TMPRSS4: variants seen among roughly 807,000 people sequenced by gnomAD.
TMPRSS4 encodes transmembrane serine protease 4.
Under a neutral mutation model 56.4 loss-of-function variants are expected in TMPRSS4, and 45 were observed. The observed-to-expected ratio is 0.80, with a 90% CI of 0.63 to 1.02. The LOEUF is 1.02. Ranked by LOEUF, TMPRSS4 falls within the 50% of genes least tolerant of loss-of-function variation. The pLI, the probability that TMPRSS4 is intolerant of heterozygous loss-of-function variation, is 0.00. For synonymous variants in TMPRSS4, 205 were observed against 211.0 expected (o/e 0.97, Z 0.25); for missense variants, 546 against 556.7 (o/e 0.98, Z 0.19).
At chr11:118,104,658 C>T (rs933722390) in intron 4 of TMPRSS4, 33 bp from the exon 5 acceptor site, 28 of 1,613,728 alleles carry the variant, frequency 1.7e-5, no homozygotes, top group African/African-American at 5.3e-5. Flanking sequence ...TTGGGCCCCC[C>T]GTTCCATCTA....
intron 12 of TMPRSS4, 135 bp downstream of exon 12, chr11:118,117,589 G>A: frequency 6.7e-7 from 1 of 1,485,034 alleles, no homozygotes; most frequent in Non-Finnish European, 9.0e-7. Flanking sequence ...CCAAGCAAGG[G>A]ACAGCCTGAG....
intron 8 of TMPRSS4, among the ~76,000 whole-genome samples, chr11:118,112,673 A>G (rs909133356): frequency 2.0e-5 from 3 of 152,082 alleles, no homozygotes; most frequent in African/African-American, 7.2e-5. Flanking sequence ...GATTACAGGC[A>G]TGAGCCAGGG....
At position 118,104,694 on chromosome 11, in the gene TMPRSS4, G is replaced by A. The variant is rs140457645; in HGVS notation, c.314G>A (p.Arg105His). ...SFPEGPAVAV[R>H]LSKDRSTLQV... The stretch of plus-strand genomic sequence containing the variant: ...ACTCAGGTTCCTTTCCTCCCAGTCC[G>A]CCTCTCCAAGGACCGATCCACACTG... Residue 105 changes from arginine (R) to histidine (H), a missense_variant, in exon 5 of 13, where the codon CGC (arginine) becomes CAC (histidine). Transcript: ENST00000437212. 101 of 1,613,734 alleles carry A rather than the reference G, an allele frequency of 6.3e-5. No homozygotes were observed. In the African/African-American group the frequency reaches 1.1e-3, roughly 18 times the overall value.
chr11:118,088,760 G>A (rs1945757770), intron 1 of TMPRSS4, among the ~76,000 whole-genome samples: 2 of 152,262 alleles, frequency 1.3e-5, no homozygotes, highest in African/African-American at 2.4e-5. Flanking sequence ...CAGAAGCTGA[G>A]TTCAAGCTGG....
downstream of TMPRSS4, among the ~76,000 whole-genome samples, chr11:118,123,609 G>A (rs368869152): frequency 4.9e-4 from 75 of 152,198 alleles, no homozygotes; most frequent in Non-Finnish European, 9.8e-4. Context: ...TGCGAGCTCC[G>A]TCTCCTGGGT....
chr11:118,102,861 G>A (rs3819108), intron 3 of TMPRSS4: 172,640 of 516,624 alleles, frequency 0.33, 29,452 homozygotes, highest in Admixed American at 0.36. Flanking sequence ...TCCCACACAC[G>A]TGACCTCTCT....
At chr11:118,077,596 T>C (rs75602418) in intron 1 of TMPRSS4, among the ~76,000 whole-genome samples, 4,631 of 152,258 alleles carry the variant, frequency 0.03, 229 homozygotes, top group African/African-American at 0.11. Flanking sequence ...GCATGTTCTT[T>C]TGCCCAATGT....
At chr11:118,104,849 CCCTCCTT>C (rs768398789) in intron 5 of TMPRSS4, 29 bp downstream of exon 5, 6 of 1,534,770 alleles carry the variant, frequency 3.9e-6, no homozygotes, top group Non-Finnish European at 5.3e-6. Flanking sequence ...TCTCCTTTTT[CCCTCCTT>C]CCTCCTTCCT....
At chr11:118,079,456 C>T (rs1448055724) in intron 1 of TMPRSS4, among the ~76,000 whole-genome samples, 1 of 152,204 alleles carries the variant, frequency 6.6e-6, no homozygotes. Flanking sequence ...CAGGCCCAGG[C>T]AGAGGTCAGA....
chr11:118,096,232 A>G (rs540039465), intron 2 of TMPRSS4, among the ~76,000 whole-genome samples: 1 of 152,370 alleles, frequency 6.6e-6, no homozygotes, highest in East Asian at 1.9e-4. Context: ...ACTTTGTGCC[A>G]GGTCATAGTT....
chr11:118,099,183 T>G, intron 3 of TMPRSS4, 85 bp downstream of exon 3: 2 of 1,011,966 alleles, frequency 2.0e-6, no homozygotes, highest in South Asian at 2.9e-5. Context: ...CCTGAATAAG[T>G]GACAGTCCCC....
At chr11:118,085,348 C>T (rs553758568) in intron 1 of TMPRSS4, among the ~76,000 whole-genome samples, 3 of 151,772 alleles carry the variant, frequency 2.0e-5, no homozygotes, top group Non-Finnish European at 2.9e-5. Flanking sequence ...CTCAGCCTCC[C>T]GAGTAGCTGG....
At chr11:118,088,049 A>G (rs1264252042) in intron 1 of TMPRSS4, among the ~76,000 whole-genome samples, 1 of 152,222 alleles carries the variant, frequency 6.6e-6, no homozygotes, top group African/African-American at 2.4e-5. Context: ...TGATGACTGC[A>G]TGCTGGTTAT....
chr11:118,095,920 T>C (rs1946262115), intron 2 of TMPRSS4, among the ~76,000 whole-genome samples: 1 of 152,194 alleles, frequency 6.6e-6, no homozygotes, highest in Non-Finnish European at 1.5e-5. Context: ...AGGCTGTTCA[T>C]AGCTCACTGG....
chr11:118,121,390 G>A lies in TMPRSS4; in HGVS notation c.*3477G>A, dbSNP rs1947788169. Reference sequence around the variant, plus strand: ...TCTTCTTATTTTGAGACTGAGTCTTGCCCTGTCACCCAGACTGGAGTGCAG... The same window carrying A: ...TCTTCTTATTTTGAGACTGAGTCTTACCCTGTCACCCAGACTGGAGTGCAG... On this transcript the variant is annotated 3_prime_UTR_variant, in exon 13 of 13. Coordinates refer to ENST00000437212, the MANE Select transcript of TMPRSS4 (RefSeq NM_019894.4). The A allele has an allele frequency of 6.6e-6, 1 of 151,874 alleles. No homozygotes were observed. Among genetic ancestry groups the A allele is most frequent in the South Asian group, 2.1e-4 (1 of 4,812 alleles). 9.4% of individuals were successfully genotyped at this position (151,874 alleles called of 1,614,324 possible).
chr11:118,111,641 T>G, intron 7 of TMPRSS4, 100 bp from the exon 8 acceptor site: 9 of 940,684 alleles, frequency 9.6e-6, no homozygotes, highest in Non-Finnish European at 1.2e-5. Context: ...GCCCCAGCCA[T>G]AAGGGCCCTG....
At chr11:118,093,393 G>T (rs1946088960) in intron 1 of TMPRSS4, among the ~76,000 whole-genome samples, 1 of 152,202 alleles carries the variant, frequency 6.6e-6, no homozygotes, top group Admixed American at 6.5e-5. Context: ...CAGCACAATA[G>T]GGCAGGCGAG....
intron 1 of TMPRSS4, among the ~76,000 whole-genome samples, chr11:118,081,825 G>A (rs1945161272): frequency 6.6e-6 from 1 of 152,210 alleles, no homozygotes. Flanking sequence ...AAGATACCAT[G>A]GAAGATTCAG....
intron 3 of TMPRSS4, among the ~76,000 whole-genome samples, chr11:118,101,822 C>T (rs752033818): frequency 6.6e-6 from 1 of 152,120 alleles, no homozygotes; most frequent in Admixed American, 6.5e-5. Context: ...ATTAAACACA[C>T]TCAACATCTT....
Sources: allele counts gnomAD v4.1 joint callset (sites outside exome capture counted in the v4.1 genomes callset), GRCh38; gene constraint gnomAD v4.1.1; transcripts MANE v1.5; gene names NCBI Gene and HGNC (gene_info 2026-07-23, HGNC 2026-07-21).